The following CPNE4 variants were observed in gnomAD, a reference collection of about 807,000 sequenced individuals.
CPNE4 encodes copine 4.
CPNE4 carries 25 observed loss-of-function variants against 67.9 expected under a neutral mutation model. That is an observed-to-expected ratio of 0.37 (90% CI 0.27 to 0.51). The LOEUF (loss-of-function observed/expected upper bound fraction) is 0.51, where lower values mean the gene tolerates loss of function less well. Among genes scored for constraint, CPNE4 ranks in the 20% least tolerant of loss-of-function variants. The pLI, the probability that CPNE4 is intolerant of heterozygous loss-of-function variation, is 0.93. For missense variants in CPNE4, 464 were observed against 690.8 expected (o/e 0.67, Z 3.68); for synonymous variants, 242 against 244.9 (o/e 0.99, Z 0.11).
chr3:131,799,654 G>A (rs144309842), intron 2 of CPNE4, among the ~76,000 whole-genome samples: 4 of 151,958 alleles, frequency 2.6e-5, no homozygotes, highest in Non-Finnish European at 5.9e-5. Flanking sequence ...TAAATTTGGG[G>A]CCACATACAA....
At chr3:131,876,264 AAATAAAT>A (rs545501103) in intron 2 of CPNE4, among the ~76,000 whole-genome samples, 3,626 of 151,144 alleles carry the variant, frequency 0.024, 155 homozygotes, top group African/African-American at 0.083. Context: ...ATAAATAAAT[AAATAAAT>A]AAATAAATAA....
intron 9 of CPNE4, among the ~76,000 whole-genome samples, chr3:131,578,874 G>A (rs899031124): frequency 6.6e-6 from 1 of 152,184 alleles, no homozygotes; most frequent in Admixed American, 6.5e-5. Flanking sequence ...GAGGTTTAAG[G>A]AAAGAAACTG....
chr3:131,895,467 A>G (rs1323975753), intron 2 of CPNE4, among the ~76,000 whole-genome samples: 1 of 152,072 alleles, frequency 6.6e-6, no homozygotes, highest in African/African-American at 2.4e-5. Context: ...CAATATATAC[A>G]GTTACAATGT....
At chr3:131,697,857 C>T (rs904760359) in intron 4 of CPNE4, among the ~76,000 whole-genome samples, 11 of 152,106 alleles carry the variant, frequency 7.2e-5, no homozygotes, top group African/African-American at 2.7e-4. Context: ...AAATTTCATG[C>T]ACCTTTTCAA....
rs555838741 is a variant in CPNE4, at chr3:131,895,348, G to T, written c.180+9916C>A. Among the ~76,000 whole-genome samples the T allele has an allele frequency of 5.3e-5, 8 of 152,092 alleles. No homozygotes were observed. The South Asian group carries it at 1.7e-3, about 32-fold the overall frequency. ...AATGCTGTTTTTTACAAAATAACTA[G>T]AGGAGAGGCTTTTGAAAATTCTAAC... On this transcript the variant is annotated intron_variant, in intron 2 of 15. Coordinates refer to ENST00000429747, the MANE Select transcript of CPNE4 (RefSeq NM_130808.3).
chr3:131,874,673 T>C (rs1259693346), intron 2 of CPNE4, among the ~76,000 whole-genome samples: 1 of 152,250 alleles, frequency 6.6e-6, no homozygotes, highest in Non-Finnish European at 1.5e-5. Context: ...ATGATGCTAC[T>C]TCATATTCAT....
chr3:131,540,853 T>C (rs1398856221), intron 15 of CPNE4, among the ~76,000 whole-genome samples: 2 of 152,130 alleles, frequency 1.3e-5, no homozygotes, highest in Admixed American at 6.5e-5. Context: ...GCAGGGGTCT[T>C]TGAGATGTGG....
intron 2 of CPNE4, among the ~76,000 whole-genome samples, chr3:131,903,279 G>A (rs1383520004): frequency 1.3e-5 from 2 of 151,936 alleles, no homozygotes; most frequent in Non-Finnish European, 2.9e-5. Context: ...CCCTTATTCT[G>A]AGTACTTTAT....
intron 6 of CPNE4, among the ~76,000 whole-genome samples, chr3:131,670,255 A>C (rs776295889): frequency 6.6e-6 from 1 of 152,208 alleles, no homozygotes; most frequent in Non-Finnish European, 1.5e-5. Flanking sequence ...GTCACATCAG[A>C]TTGCAAGTCA....
At chr3:131,902,404 C>A (rs1024894450) in intron 2 of CPNE4, among the ~76,000 whole-genome samples, 8 of 152,044 alleles carry the variant, frequency 5.3e-5, no homozygotes, top group African/African-American at 1.9e-4. Context: ...CCCACCAGTT[C>A]TACTTAACAG....
intron 5 of CPNE4, among the ~76,000 whole-genome samples, chr3:131,689,745 G>T (rs1423626426): frequency 6.6e-6 from 1 of 152,076 alleles, no homozygotes; most frequent in Non-Finnish European, 1.5e-5. Context: ...GAAATAAAAG[G>T]CATCCAAATA....
intron 2 of CPNE4, among the ~76,000 whole-genome samples, chr3:131,870,457 A>T (rs2087149810): frequency 6.6e-6 from 1 of 152,174 alleles, no homozygotes; most frequent in African/African-American, 2.4e-5. Context: ...ATTAAAAGAC[A>T]AGTGGTTACA....
At chr3:131,801,415 C>CGA (rs2084113988) in intron 2 of CPNE4, among the ~76,000 whole-genome samples, 1 of 66,088 alleles carries the variant, frequency 1.5e-5, no homozygotes, top group Non-Finnish European at 2.7e-5. Context: ...TACATATATA[C>CGA]GTGTGTGTGT....
At chr3:131,593,852 C>T (rs1036598014) in intron 7 of CPNE4, among the ~76,000 whole-genome samples, 5 of 152,102 alleles carry the variant, frequency 3.3e-5, no homozygotes, top group Non-Finnish European at 7.4e-5. Context: ...GCTGGGACTA[C>T]AGGCGCACAC....
chr3:131,972,937 T>C (rs1228130594), intron 1 of CPNE4, among the ~76,000 whole-genome samples: 2 of 152,234 alleles, frequency 1.3e-5, no homozygotes, highest in African/African-American at 4.8e-5. Context: ...AATCTTTCTC[T>C]GAAGTCCCAG....
Position 131,534,211 on chromosome 3 carries a change from G to A in CPNE4, c.*984C>T, listed in dbSNP as rs930884948. The A allele has an allele frequency of 6.6e-6, 1 of 152,246 alleles. No homozygotes were observed. Among genetic ancestry groups the A allele is most frequent in the African/African-American group, 2.4e-5 (1 of 41,444 alleles). 9.4% of individuals were successfully genotyped at this position (152,246 alleles called of 1,614,324 possible). On this transcript the variant is annotated 3_prime_UTR_variant, in exon 16 of 16. Transcript: ENST00000429747. ...TAAGAGGGCAGGGACTGGCCAGGAG[G>A]AGCACTTTCTAGTCTTATCTAAGGA...
chr3:131,879,762 G>T (rs2087600480), intron 2 of CPNE4, among the ~76,000 whole-genome samples: 1 of 152,270 alleles, frequency 6.6e-6, no homozygotes, highest in East Asian at 1.9e-4. Flanking sequence ...AGAACCATTT[G>T]TCATTAGAAT....
At chr3:131,941,982 A>G (rs541333990) in intron 1 of CPNE4, among the ~76,000 whole-genome samples, 4 of 152,222 alleles carry the variant, frequency 2.6e-5, no homozygotes, top group Admixed American at 1.3e-4. Flanking sequence ...CAAACAACCC[A>G]TTATGACATA....
chr3:131,846,689 A>G (rs1383305216), intron 2 of CPNE4, among the ~76,000 whole-genome samples: 1 of 152,230 alleles, frequency 6.6e-6, no homozygotes, highest in Non-Finnish European at 1.5e-5. Flanking sequence ...TCCTACCCAC[A>G]CAGTAAGGAG....
Sources: allele counts gnomAD v4.1 joint callset (sites outside exome capture counted in the v4.1 genomes callset), GRCh38; gene constraint gnomAD v4.1.1; transcripts MANE v1.5; gene names NCBI Gene and HGNC (gene_info 2026-07-23, HGNC 2026-07-21).